FOXP2: variants seen among roughly 807,000 people sequenced by gnomAD.
FOXP2 encodes forkhead box protein P2.
FOXP2 carries 12 observed loss-of-function variants against 115.8 expected under a neutral mutation model. The ratio of observed to expected loss-of-function variants is 0.10; its 90% CI spans 0.07 to 0.17. FOXP2 has a LOEUF of 0.17. Ranked by LOEUF, FOXP2 falls within the 10% of genes least tolerant of loss-of-function variation. The probability of loss-of-function intolerance (pLI) is 1.00; values close to 1 mark genes in which losing one functional copy is unlikely to be tolerated. For missense variants in FOXP2, 629 were observed against 843.5 expected (o/e 0.75, Z 3.15); for synonymous variants, 328 against 297.7 (o/e 1.10, Z -1.05).
At chr7:114,100,708 C>T (rs1007278641) in intron 1 of FOXP2, among the ~76,000 whole-genome samples, 5 of 151,990 alleles carry the variant, frequency 3.3e-5, no homozygotes, top group African/African-American at 9.7e-5. Context: ...TTTTTCATTT[C>T]TAGTAAGGGT....
intron 1 of FOXP2, among the ~76,000 whole-genome samples, chr7:114,139,344 A>G (rs1047220944): frequency 1.4e-4 from 22 of 152,168 alleles, no homozygotes; most frequent in African/African-American, 5.3e-4. Flanking sequence ...GGGAGGTTGC[A>G]GGGAACAGTT....
intron 1 of FOXP2, among the ~76,000 whole-genome samples, chr7:114,128,039 T>G (rs1335088787): frequency 6.6e-6 from 1 of 152,230 alleles, no homozygotes; most frequent in Non-Finnish European, 1.5e-5. Context: ...CATAGTTATC[T>G]GCATATATTG....
At chr7:114,400,571 G>A (rs1792862146) in intron 2 of FOXP2, among the ~76,000 whole-genome samples, 1 of 152,164 alleles carries the variant, frequency 6.6e-6, no homozygotes, top group Non-Finnish European at 1.5e-5. Flanking sequence ...CCAGATAATA[G>A]TTTCATGGAA....
intron 2 of FOXP2, among the ~76,000 whole-genome samples, chr7:114,329,520 G>A (rs1352739796): frequency 3.4e-5 from 4 of 117,116 alleles, no homozygotes; most frequent in Admixed American, 8.4e-5. Flanking sequence ...ACTCCATCTC[G>A]GAAAAAAAAA....
intron 1 of FOXP2, among the ~76,000 whole-genome samples, chr7:114,097,317 C>A (rs564212541): frequency 6.6e-6 from 1 of 152,236 alleles, no homozygotes; most frequent in African/African-American, 2.4e-5. Context: ...TCCTGGTAAC[C>A]ACTAATCTGT....
intron 16 of FOXP2, 41 bp from the exon 17 acceptor site, chr7:114,689,741 G>A: frequency 6.2e-7 from 1 of 1,610,718 alleles, no homozygotes; most frequent in Non-Finnish European, 8.5e-7. Flanking sequence ...TCTGTTTGTT[G>A]CTTACTTAGT....
intron 3 of FOXP2, among the ~76,000 whole-genome samples, chr7:114,553,853 T>A (rs948133832): frequency 4.6e-5 from 7 of 152,166 alleles, no homozygotes; most frequent in Non-Finnish European, 1.0e-4. Flanking sequence ...CAATGATCTA[T>A]GCTGCAAACA....
intron 1 of FOXP2, among the ~76,000 whole-genome samples, chr7:114,212,006 G>A (rs1240548854): frequency 6.6e-6 from 1 of 151,798 alleles, no homozygotes; most frequent in Admixed American, 6.6e-5. Context: ...CCAGGAGGCG[G>A]GGGTTGCAGT....
At chr7:114,306,353 A>G (rs1022071255) in intron 2 of FOXP2, among the ~76,000 whole-genome samples, 1 of 152,152 alleles carries the variant, frequency 6.6e-6, no homozygotes, top group African/African-American at 2.4e-5. Flanking sequence ...GTGCACACAC[A>G]GGATATTCAT....
In FOXP2 at chr7:114,365,089, C is replaced by T. The variant is rs140293172; in HGVS notation, c.-10-61413C>T. Among the ~76,000 whole-genome samples the T allele has an allele frequency of 3.4e-3, 523 of 152,240 alleles. 3 individuals are homozygous for T. Among genetic ancestry groups the T allele is most frequent in the African/African-American group, 0.012 (503 of 41,560 alleles). On this transcript the variant is annotated intron_variant, in intron 2 of 17. Coordinates refer to the FOXP2 transcript ENST00000634411. ...TTAATATGAACATAGCTAGGATTCACTTTTAATTTTTTTTCTTTTTGCAGA... is the reference window on the plus strand; with the variant it reads ...TTAATATGAACATAGCTAGGATTCATTTTTAATTTTTTTTCTTTTTGCAGA...
At position 114,451,666 on chromosome 7, in the gene FOXP2, C is replaced by T. The variant is rs190926088; in HGVS notation, c.168+24987C>T. Reference sequence around the variant, plus strand: ...TTACAACTCAGTGATGGAGAAAGTACATCATTTACCTAGCACAGTATTTGG... The same window carrying T: ...TTACAACTCAGTGATGGAGAAAGTATATCATTTACCTAGCACAGTATTTGG... On this transcript the variant is annotated intron_variant, in intron 2 of 16. Coordinates refer to ENST00000350908, the MANE Select transcript of FOXP2 (RefSeq NM_014491.4). Among the ~76,000 whole-genome samples the T allele has an allele frequency of 3.3e-5, 5 of 152,126 alleles. No individual in the cohort carries two copies. In the East Asian group the frequency reaches 7.7e-4, roughly 23 times the overall value.
intron 2 of FOXP2, among the ~76,000 whole-genome samples, chr7:114,483,802 A>G (rs1178323993): frequency 6.6e-6 from 1 of 151,802 alleles, no homozygotes; most frequent in Non-Finnish European, 1.5e-5. Flanking sequence ...TTAATGGACA[A>G]TTAATAATTA....
intron 3 of FOXP2, among the ~76,000 whole-genome samples, chr7:114,575,254 T>C (rs1801514192): frequency 6.6e-6 from 1 of 151,812 alleles, no homozygotes. Flanking sequence ...GGGAATTAAA[T>C]ATGATAACCC....
intron 1 of FOXP2, among the ~76,000 whole-genome samples, chr7:114,278,025 T>TAAAAAA (rs1198719493): frequency 1.3e-5 from 1 of 76,244 alleles, no homozygotes; most frequent in African/African-American, 5.1e-5. Context: ...AGACCTTGTC[T>TAAAAAA]AAAAAAAAAA....
rs1808726892 is a variant in FOXP2, at chr7:114,692,642, G to A, written c.*2716G>A. 4.5e-6 allele frequency: 2 copies of A among 444,354 alleles called. No homozygotes were observed. Among genetic ancestry groups the A allele is most frequent in the African/African-American group, 2.0e-5 (1 of 49,502 alleles). 27.5% of individuals were successfully genotyped at this position (444,354 alleles called of 1,614,324 possible). On this transcript the variant is annotated 3_prime_UTR_variant, in exon 17 of 17. Coordinates refer to ENST00000350908, the MANE Select transcript of FOXP2 (RefSeq NM_014491.4). ...AGCTATTGTAAGGCTTTGAACTAAT[G>A]TATGTATTTATTGCTTGAACTTCTG... is the stretch of plus-strand genomic sequence containing the variant.
At chr7:114,208,842 T>A (rs1352865836) in intron 1 of FOXP2, among the ~76,000 whole-genome samples, 1 of 152,162 alleles carries the variant, frequency 6.6e-6, no homozygotes, top group African/African-American at 2.4e-5. Flanking sequence ...CTGCCATGAT[T>A]GTGAGGCCTC....
intron 1 of FOXP2, among the ~76,000 whole-genome samples, chr7:114,204,582 C>T (rs952605329): frequency 6.6e-6 from 1 of 152,104 alleles, no homozygotes; most frequent in African/African-American, 2.4e-5. Context: ...GATAATATCT[C>T]ATACAACTGT....
At chr7:114,258,489 C>G (rs1301639988) in intron 1 of FOXP2, among the ~76,000 whole-genome samples, 1 of 152,116 alleles carries the variant, frequency 6.6e-6, no homozygotes, top group Admixed American at 6.6e-5. Context: ...TCTGGAATGG[C>G]CCAGGAACAC....
chr7:114,267,511 G>A (rs540290588), intron 1 of FOXP2, among the ~76,000 whole-genome samples: 3 of 151,672 alleles, frequency 2.0e-5, no homozygotes, highest in Admixed American at 1.3e-4. Flanking sequence ...AGCAGATCAC[G>A]AGTTCAGGAG....
Sources: gnomAD v4.1 joint callset for allele counts (sites outside exome capture counted in the v4.1 genomes callset) on GRCh38, gnomAD v4.1.1 for gene constraint, MANE v1.5 for transcripts, NCBI Gene and HGNC (gene_info 2026-07-23, HGNC 2026-07-21) for gene names.